GATAD2B: variants seen among roughly 807,000 people sequenced by gnomAD.
GATAD2B encodes the protein transcriptional repressor p66-beta.
GATAD2B carries 8 observed loss-of-function variants against 64.3 expected under a neutral mutation model. That is an observed-to-expected ratio of 0.12 (90% CI 0.07 to 0.22). GATAD2B has a LOEUF of 0.22. GATAD2B is among the 10% of genes least tolerant of loss of function. The probability of loss-of-function intolerance (pLI) is 1.00; values close to 1 mark genes in which losing one functional copy is unlikely to be tolerated. For synonymous variants in GATAD2B, 281 were observed against 271.3 expected (o/e 1.04, Z -0.35); for missense variants, 453 against 752.0 (o/e 0.60, Z 4.65).
intron 7 of GATAD2B, among the ~76,000 whole-genome samples, chr1:153,815,097 A>AAAAAAAAAAAAAAAAC (rs1674413354): frequency 7.0e-6 from 1 of 143,602 alleles, no homozygotes; most frequent in Non-Finnish European, 1.5e-5. Context: ...AAAAAAAAAA[A>AAAAAAAAAAAAAAAAC]AAAAAAAAAA....
At chr1:153,841,124 C>CAAAAAAAA (rs941317761) in intron 1 of GATAD2B, among the ~76,000 whole-genome samples, 43 of 76,526 alleles carry the variant, frequency 5.6e-4, no homozygotes, top group Non-Finnish European at 5.9e-4. Context: ...GACTCCGTCT[C>CAAAAAAAA]AAAAAAAAAA....
Position 153,906,260 on chromosome 1 carries a change from A to G in GATAD2B, c.-2+16473T>C, listed in dbSNP as rs576280476. 1.8e-4 allele frequency among the ~76,000 whole-genome samples: 27 copies of G among 151,778 alleles called. No homozygotes were observed. The South Asian group carries it at 5.6e-3, about 32-fold the overall frequency. On this transcript the variant is annotated intron_variant, in intron 1 of 10. Transcript: ENST00000368655. ...TGGTGAAACCCCATCTCTACTAAAAAATACAAAAATTAGCCAGGTGTGGTG... is the reference window on the plus strand; with the variant it reads ...TGGTGAAACCCCATCTCTACTAAAAGATACAAAAATTAGCCAGGTGTGGTG...
rs1310293148 is a variant in GATAD2B, at chr1:153,898,188, C to T, written c.-2+24545G>A. Among the ~76,000 whole-genome samples the T allele has an allele frequency of 2.0e-5, 3 of 150,598 alleles. No homozygotes were observed. In the South Asian group the frequency reaches 6.3e-4, roughly 32 times the overall value. The stretch of plus-strand genomic sequence containing the variant: ...AGGTATAACAACACATGCCTGTAGT[C>T]CCAGCTACTAGAGAGGCTAAGGAGA... On this transcript the variant is annotated intron_variant, in intron 1 of 10. Transcript: ENST00000368655.
intron 1 of GATAD2B, among the ~76,000 whole-genome samples, chr1:153,876,810 C>T (rs181017266): frequency 5.3e-5 from 8 of 152,322 alleles, no homozygotes; most frequent in Admixed American, 1.3e-4. Flanking sequence ...TGAGACCAGC[C>T]TGGCCAACAT....
At chr1:153,920,458 A>T (rs558025896) in intron 1 of GATAD2B, among the ~76,000 whole-genome samples, 1 of 152,346 alleles carries the variant, frequency 6.6e-6, no homozygotes, top group Admixed American at 6.5e-5. Context: ...GCCCTATGCT[A>T]AGCACAGCAG....
intron 1 of GATAD2B, among the ~76,000 whole-genome samples, chr1:153,917,406 T>G (rs1239558481): frequency 1.3e-5 from 2 of 149,656 alleles, no homozygotes; most frequent in Non-Finnish European, 3.0e-5. Context: ...TATCTTTTTT[T>G]TTTTTTGAAA....
intron 7 of GATAD2B, among the ~76,000 whole-genome samples, chr1:153,815,285 A>AC (rs1674433196): frequency 7.1e-6 from 1 of 140,032 alleles, no homozygotes; most frequent in Admixed American, 7.1e-5. Context: ...AAAAACAAAA[A>AC]AAAAAAACAA....
intron 1 of GATAD2B, among the ~76,000 whole-genome samples, chr1:153,854,991 G>C (rs1210332047): frequency 1.3e-5 from 2 of 152,126 alleles, no homozygotes; most frequent in Non-Finnish European, 2.9e-5. Context: ...GACTGTTCTA[G>C]GTTAAGAGAG....
chr1:153,850,533 C>T (rs112643140), intron 1 of GATAD2B, among the ~76,000 whole-genome samples: 5 of 152,260 alleles, frequency 3.3e-5, no homozygotes, highest in African/African-American at 1.2e-4. Flanking sequence ...CTCCTGACCT[C>T]AAGTGATCCG....
chr1:153,911,719 AGAGT>A (rs1238425960), intron 1 of GATAD2B, among the ~76,000 whole-genome samples: 4 of 151,948 alleles, frequency 2.6e-5, no homozygotes, highest in Non-Finnish European at 5.9e-5. Context: ...CTGGGCAACA[AGAGT>A]GAAACTCCAT....
intron 1 of GATAD2B, among the ~76,000 whole-genome samples, chr1:153,830,093 CAAAACA>C (rs1198727051): frequency 2.0e-5 from 3 of 152,060 alleles, no homozygotes; most frequent in South Asian, 4.2e-4. Context: ...GAAACTGTCT[CAAAACA>C]AAAACAAAAC....
intron 1 of GATAD2B, among the ~76,000 whole-genome samples, chr1:153,861,854 ATGTATATATGTATATATATG>A (rs1010987924): frequency 2.7e-5 from 4 of 145,608 alleles, no homozygotes; most frequent in African/African-American, 5.1e-5. Context: ...ATGTACGTAT[ATGTATATATGTATATATATG>A]TGTATATATA....
chr1:153,824,401 G>A (rs557711052), intron 2 of GATAD2B, among the ~76,000 whole-genome samples: 5 of 152,198 alleles, frequency 3.3e-5, no homozygotes, highest in East Asian at 3.9e-4. Context: ...AGGCCAAGGC[G>A]GGTGAATCAC....
chr1:153,849,892 A>C (rs1345341006), intron 1 of GATAD2B, among the ~76,000 whole-genome samples: 3 of 152,180 alleles, frequency 2.0e-5, no homozygotes, highest in Non-Finnish European at 2.9e-5. Context: ...TTGGCCTCCC[A>C]AAGTGCTGGG....
At chr1:153,864,184 C>A (rs1379077134) in intron 1 of GATAD2B, among the ~76,000 whole-genome samples, 1 of 152,122 alleles carries the variant, frequency 6.6e-6, no homozygotes, top group Non-Finnish European at 1.5e-5. Context: ...ACATTCATCA[C>A]ACAAGTCTGA....
intron 1 of GATAD2B, among the ~76,000 whole-genome samples, chr1:153,848,973 A>AC (rs113142203): frequency 0.36 from 50,516 of 140,976 alleles, 8,948 homozygotes; most frequent in Admixed American, 0.51. Flanking sequence ...AAACAAACAA[A>AC]CCCCCCCCCT....
In GATAD2B at chr1:153,895,811, C is replaced by T. The variant is rs140222186; in HGVS notation, c.-2+26922G>A. ...TCACAGCTAAGGTTAGGGCTGAGTACGCTGTTCATTGAGACTTTTATACCT... is the reference window on the plus strand; with the variant it reads ...TCACAGCTAAGGTTAGGGCTGAGTATGCTGTTCATTGAGACTTTTATACCT... On this transcript the variant is annotated intron_variant, in intron 1 of 10. Transcript: ENST00000368655. 4.6e-5 allele frequency among the ~76,000 whole-genome samples: 7 copies of T among 151,928 alleles called. No individual in the cohort carries two copies. In the East Asian group the frequency reaches 5.8e-4, roughly 13 times the overall value.
chr1:153,910,949 G>A (rs949016984), intron 1 of GATAD2B, among the ~76,000 whole-genome samples: 4 of 152,050 alleles, frequency 2.6e-5, no homozygotes, highest in Non-Finnish European at 5.9e-5. Context: ...TAACCTCATC[G>A]TAAATCAAAG....
intron 2 of GATAD2B, among the ~76,000 whole-genome samples, chr1:153,824,539 G>A (rs112780312): frequency 0.26 from 38,090 of 148,622 alleles, 5,291 homozygotes; most frequent in Admixed American, 0.37. Context: ...TTGAACCCAG[G>A]AGACGGAGGT....
Sources: allele counts gnomAD v4.1 joint callset (sites outside exome capture counted in the v4.1 genomes callset), GRCh38; gene constraint gnomAD v4.1.1; transcripts MANE v1.5; gene names NCBI Gene and HGNC (gene_info 2026-07-23, HGNC 2026-07-21).